DISC1: variants seen among roughly 807,000 people sequenced by gnomAD.
DISC1 encodes DISC1 scaffold protein, also known as disrupted in schizophrenia 1 protein.
DISC1 carries 57 observed loss-of-function variants against 84.5 expected under a neutral mutation model. The observed-to-expected ratio is 0.67, with a 90% CI of 0.55 to 0.84. The LOEUF (loss-of-function observed/expected upper bound fraction) is 0.84, where lower values mean the gene tolerates loss of function less well. DISC1 is among the 40% of genes least tolerant of loss of function. The probability of loss-of-function intolerance (pLI) is 0.00; values close to 1 mark genes in which losing one functional copy is unlikely to be tolerated. For missense variants in DISC1, 1,000 were observed against 1,057.8 expected (o/e 0.95, Z 0.76); for synonymous variants, 411 against 415.2 (o/e 0.99, Z 0.12).
At chr1:231,844,943 GA>G (rs1045343130) in intron 9 of DISC1, among the ~76,000 whole-genome samples, 50 of 145,042 alleles carry the variant, frequency 3.4e-4, no homozygotes, top group South Asian at 2.2e-3. Context: ...AAAAAAAAAA[GA>G]AAAAAAAGAA....
intron 10 of DISC1, among the ~76,000 whole-genome samples, chr1:231,970,831 A>G (rs1251741211): frequency 6.6e-6 from 1 of 152,218 alleles, no homozygotes; most frequent in Non-Finnish European, 1.5e-5. Context: ...CCAATATTTA[A>G]GAAGGTCTGA....
At chr1:231,746,055 C>T (rs563934419) in intron 3 of DISC1, among the ~76,000 whole-genome samples, 5 of 152,250 alleles carry the variant, frequency 3.3e-5, no homozygotes, top group Admixed American at 1.3e-4. Flanking sequence ...AAGCAGATGC[C>T]GGCACTAAGC....
rs372564789 is a variant in DISC1, at chr1:232,009,927, G to A, written c.2307+878G>A. On this transcript the variant is annotated intron_variant, in intron 11 of 12. Coordinates refer to ENST00000439617, the MANE Select transcript of DISC1 (RefSeq NM_018662.3). The surrounding 1 kb of genome is among the most constrained non-coding windows in gnomAD (Gnocchi z 4.6). ...TAGATGTTAGCTGTGCTTCCTCCCT[G>A]GGTCTTTGCCAGGACTCACCACTGG... Among the ~76,000 whole-genome samples, 4 of 152,248 alleles carry A rather than the reference G, an allele frequency of 2.6e-5. No individual in the cohort carries two copies. The highest frequency in any genetic ancestry group is 3.9e-4 in the East Asian group (2 of 5,172).
chr1:231,934,915 G>A (rs576987639), intron 9 of DISC1, among the ~76,000 whole-genome samples: 7 of 152,346 alleles, frequency 4.6e-5, no homozygotes, highest in South Asian at 4.1e-4. Flanking sequence ...GGTGAAAACC[G>A]AAGAAAGGGT....
Position 232,031,062 on chromosome 1 carries a change from G to A in DISC1, c.2425+4510G>A, listed in dbSNP as rs1669970508. Among the ~76,000 whole-genome samples the A allele has an allele frequency of 1.3e-5, 2 of 151,638 alleles. No individual in the cohort carries two copies. The highest frequency in any genetic ancestry group is 4.2e-4 in the South Asian group (2 of 4,812). On this transcript the variant is annotated intron_variant, in intron 12 of 12. Coordinates refer to ENST00000439617, the MANE Select transcript of DISC1 (RefSeq NM_018662.3). The surrounding 1 kb of genome is among the most constrained non-coding windows in gnomAD (Gnocchi z 4.6). ...GTGGAGGTCGCAGTGAGCTGAGACTGCACACTACTACACTCCAGCCTGGGC... is the reference window on the plus strand; with the variant it reads ...GTGGAGGTCGCAGTGAGCTGAGACTACACACTACTACACTCCAGCCTGGGC...
chr1:231,669,494 A>G (rs183911033), intron 1 of DISC1, among the ~76,000 whole-genome samples: 17 of 152,340 alleles, frequency 1.1e-4, no homozygotes, highest in Non-Finnish European at 1.9e-4. Context: ...TCTAATATCC[A>G]GCATCTATAG....
Position 231,981,825 on chromosome 1 carries a change from G to A in DISC1, c.2042+22937G>A, listed in dbSNP as rs115942818. On this transcript the variant is annotated intron_variant, in intron 10 of 12. Coordinates refer to ENST00000439617, the MANE Select transcript of DISC1 (RefSeq NM_018662.3). ...GAACCAGTCTGACCAGACAGAAAGG[G>A]TTATTGTGGTTTGACGGTCGGTGAA... 2.6e-3 allele frequency among the ~76,000 whole-genome samples: 402 copies of A among 152,276 alleles called. 2 individuals carry two copies. The highest frequency in any genetic ancestry group is 4.3e-3 in the Admixed American group (66 of 15,304).
In DISC1 at chr1:231,818,455, G is replaced by A; in HGVS notation, c.1919G>A (p.Gly640Glu). 2 of 1,614,206 alleles carry A rather than the reference G, an allele frequency of 1.2e-6. No homozygotes were observed. The highest frequency in any genetic ancestry group is 2.2e-5 in the South Asian group (2 of 91,080). ...VLSSRNVKKLGSVKEDYNRLR... is the reference protein window; with the variant it reads ...VLSSRNVKKLESVKEDYNRLR... Reference sequence around the variant, plus strand: ...AGTTCCAGGAATGTCAAAAAGCTGGGAAGTGTTAAAGAAGATTACAACAGA... The same window carrying A: ...AGTTCCAGGAATGTCAAAAAGCTGGAAAGTGTTAAAGAAGATTACAACAGA... Residue 640 changes from glycine (G) to glutamate (E), a missense_variant, in exon 9 of 13, where the codon GGA becomes GAA. Gly to Glu is a moderately conservative substitution (Grantham distance 98). Coordinates refer to ENST00000439617, the MANE Select transcript of DISC1 (RefSeq NM_018662.3).
chr1:231,761,795 T>G (rs566339904), intron 4 of DISC1, among the ~76,000 whole-genome samples: 1 of 152,200 alleles, frequency 6.6e-6, no homozygotes, highest in Admixed American at 6.5e-5. Context: ...TATAAACGGC[T>G]TCTGGATTTT....
At chr1:231,968,282 C>A (rs760970835) in intron 10 of DISC1, among the ~76,000 whole-genome samples, 1 of 152,098 alleles carries the variant, frequency 6.6e-6, no homozygotes, top group Non-Finnish European at 1.5e-5. Flanking sequence ...ATTCCAGCTC[C>A]CTGTGTTAGG....
intron 1 of DISC1, among the ~76,000 whole-genome samples, chr1:231,676,048 T>C (rs2063121178): frequency 6.6e-6 from 1 of 152,124 alleles, no homozygotes; most frequent in Non-Finnish European, 1.5e-5. Context: ...AGGGTTTCAC[T>C]GTGTTGGTCA....
intron 9 of DISC1, among the ~76,000 whole-genome samples, chr1:231,908,956 A>G (rs1044869966): frequency 2.1e-4 from 32 of 152,134 alleles, no homozygotes; most frequent in Non-Finnish European, 3.5e-4. Flanking sequence ...TTCACTCATG[A>G]TCTGGCTCTC....
At chr1:231,751,455 A>G (rs1229752054) in intron 4 of DISC1, among the ~76,000 whole-genome samples, 2 of 152,254 alleles carry the variant, frequency 1.3e-5, no homozygotes, top group Non-Finnish European at 2.9e-5. Context: ...TACACATAAC[A>G]TAAAATTCAC....
chr1:231,886,823 C>CT (rs765569778), intron 9 of DISC1, among the ~76,000 whole-genome samples: 1 of 130,046 alleles, frequency 7.7e-6, no homozygotes, highest in Non-Finnish European at 1.7e-5. Context: ...TTCTTTCTTT[C>CT]TTTCTTTCTT....
intron 9 of DISC1, among the ~76,000 whole-genome samples, chr1:231,945,590 G>A (rs909502973): frequency 7.9e-5 from 12 of 152,094 alleles, no homozygotes; most frequent in East Asian, 5.8e-4. Context: ...AAATCTAGCC[G>A]AAGACAAGAA....
chr1:231,962,585 C>T (rs560472761), intron 10 of DISC1, among the ~76,000 whole-genome samples: 12 of 152,122 alleles, frequency 7.9e-5, no homozygotes, highest in South Asian at 2.1e-4. Context: ...ATCAAGGTGC[C>T]GGTATAAAAG....
At chr1:232,008,636 C>G (rs1667757058) in intron 10 of DISC1, 149 bp from the exon 11 acceptor site, 2 of 1,000,336 alleles carry the variant, frequency 2.0e-6, no homozygotes, top group African/African-American at 3.2e-5. Flanking sequence ...TCTGATGAAT[C>G]TTCTAGTTGA....
chr1:231,920,151 G>A (rs2089909016), intron 9 of DISC1, among the ~76,000 whole-genome samples: 1 of 152,144 alleles, frequency 6.6e-6, no homozygotes, highest in Non-Finnish European at 1.5e-5. Flanking sequence ...TGTCCCTTGG[G>A]GATATAGGGC....
chr1:231,808,355 C>A (rs1573975376), intron 8 of DISC1, among the ~76,000 whole-genome samples: 2 of 152,300 alleles, frequency 1.3e-5, no homozygotes, highest in East Asian at 3.9e-4. Context: ...AAGCTCCAGG[C>A]CCACCGTGTA....
Sources: allele counts gnomAD v4.1 joint callset (sites outside exome capture counted in the v4.1 genomes callset), GRCh38; gene constraint gnomAD v4.1.1; non-coding constraint Gnocchi (gnomAD v3.1); transcripts MANE v1.5; gene names NCBI Gene and HGNC (gene_info 2026-07-23, HGNC 2026-07-21).